The following C1orf159 variants were observed in gnomAD, a reference collection of about 807,000 sequenced individuals.
C1orf159 encodes the protein uncharacterized protein C1orf159.
In C1orf159, 19 loss-of-function variants were observed where a neutral mutation model predicts 25.6. The ratio of observed to expected loss-of-function variants is 0.74; its 90% confidence interval spans 0.52 to 1.09. The LOEUF (loss-of-function observed/expected upper bound fraction) is 1.09, where lower values mean the gene tolerates loss of function less well. Ranked by LOEUF, C1orf159 falls within the 50% of genes least tolerant of loss-of-function variation. The probability of loss-of-function intolerance (pLI) is 0.00; values close to 1 mark genes in which losing one functional copy is unlikely to be tolerated. For synonymous variants in C1orf159, 139 were observed against 124.7 expected (o/e 1.12, Z -0.77); for missense variants, 274 against 290.6 (o/e 0.94, Z 0.42).
chr1:1,082,235 T>A lies in C1orf159; in HGVS notation c.*658A>T, dbSNP rs1448976642. 6 of 153,536 alleles carry A rather than the reference T, an allele frequency of 3.9e-5. No individual in the cohort carries two copies. Among genetic ancestry groups the A allele is most frequent in the Non-Finnish European group, 8.7e-5 (6 of 68,814 alleles). 9.5% of individuals were successfully genotyped at this position (153,536 alleles called of 1,614,324 possible). A position where few individuals can be genotyped will look rare whatever the true frequency, so the allele number is the denominator to read the frequency against. ...GCGGGGCCACAGAGCTCTGGAGGACTTTTCTGCACAATGAATTTCTGCTTA... is the reference window on the plus strand; with the variant it reads ...GCGGGGCCACAGAGCTCTGGAGGACATTTCTGCACAATGAATTTCTGCTTA... On this transcript the variant is annotated 3_prime_UTR_variant, in exon 10 of 10. Transcript: ENST00000421241.
chr1:1,105,747 GCCTGTAGT>G (rs1275625481), intron 1 of C1orf159, among the ~76,000 whole-genome samples: 1 of 130,814 alleles, frequency 7.6e-6, no homozygotes, highest in South Asian at 2.4e-4. Context: ...CTGGGCGGGC[GCCTGTAGT>G]CCCAGCTACT....
intron 1 of C1orf159, among the ~76,000 whole-genome samples, chr1:1,104,439 C>G (rs983267603): frequency 6.6e-6 from 1 of 152,238 alleles, no homozygotes; most frequent in African/African-American, 2.4e-5. Flanking sequence ...CTCTCCAGAG[C>G]CCTCAGGGAG....
intron 9 of C1orf159, chr1:1,083,491 G>C: frequency 4.5e-6 from 1 of 221,348 alleles, no homozygotes; most frequent in Non-Finnish European, 9.0e-6. Flanking sequence ...AGACGCCGTG[G>C]GACCAGGGGA....
chr1:1,087,974 A>AGTACTCCACACTGC lies in C1orf159; in HGVS notation c.149-391_149-378dup, dbSNP rs1645861510. Among the ~76,000 whole-genome samples, 3 of 151,576 alleles carry AGTACTCCACACTGC rather than the reference A, an allele frequency of 2.0e-5. No homozygotes were observed. The highest frequency in any genetic ancestry group is 6.6e-5 in the Admixed American group (1 of 15,258). ...CCCGGCCCTGAGCACCCCGACCCTG[A>AGTACTCCACACTGC]GTACTCCACACTGCGTACTTCAGAG... On this transcript the variant is annotated intron_variant, in intron 4 of 9. Coordinates refer to ENST00000421241, the MANE Select transcript of C1orf159 (RefSeq NM_017891.5). This position sits in a 1 kb window ranked among gnomAD's most constrained non-coding sequence, Gnocchi z 8.3.
At chr1:1,085,330 ACCACGGACCCTGCTCAGAAC>A (rs1209915449) in intron 7 of C1orf159, 1 of 386,978 alleles carries the variant, frequency 2.6e-6, no homozygotes, top group East Asian at 7.7e-5. Context: ...GAGGGCAGGC[ACCACGGACCCTGCTCAGAAC>A]CCGCCCCCGC....
intron 1 of C1orf159, among the ~76,000 whole-genome samples, chr1:1,111,765 A>G (rs1646259835): frequency 6.6e-6 from 1 of 152,100 alleles, no homozygotes; most frequent in African/African-American, 2.4e-5. Context: ...CTCGGTAAAC[A>G]CAGCCCCGAG....
In C1orf159 at chr1:1,102,002, T is replaced by TAGAGGTTGCAGTGAGCC. The variant is rs1165983994; in HGVS notation, c.-135-9916_-135-9900dup. 3.0e-5 allele frequency among the ~76,000 whole-genome samples: 4 copies of TAGAGGTTGCAGTGAGCC among 133,036 alleles called. No individual in the cohort carries two copies. In the East Asian group the frequency reaches 8.6e-4, roughly 28 times the overall value. The allele number at this position is 133,036 out of a possible 152,430, so 87.3% of individuals were successfully genotyped here. On this transcript the variant is annotated intron_variant, in intron 1 of 9. Coordinates refer to ENST00000421241, the MANE Select transcript of C1orf159 (RefSeq NM_017891.5). Reference sequence around the variant, plus strand: ...CAGGAGAATCGCTTGAACTGGGAGGTAGAGGTTGCAGTGAGCCGAGATCGC... The same window carrying TAGAGGTTGCAGTGAGCC: ...CAGGAGAATCGCTTGAACTGGGAGGTAGAGGTTGCAGTGAGCCAGAGGTTGCAGTGAGCCGAGATCGC...
chr1:1,083,033 G>A, intron 9 of C1orf159, 46 bp from the exon 10 acceptor site: 1 of 1,490,118 alleles, frequency 6.7e-7, no homozygotes, highest in South Asian at 1.2e-5. Flanking sequence ...GACCTGGACA[G>A]CAGGGACAGT....
intron 4 of C1orf159, among the ~76,000 whole-genome samples, chr1:1,088,397 T>C (rs1251755905): frequency 2.5e-5 from 3 of 119,406 alleles, no homozygotes; most frequent in African/African-American, 6.5e-5. Flanking sequence ...GCACCCCGTG[T>C]TCCCTCATGC....
At position 1,085,548 on chromosome 1, in the gene C1orf159, C is replaced by T. The variant is rs553186746; in HGVS notation, c.445+330G>A. Among the ~76,000 whole-genome samples, 289 of 152,330 alleles carry T rather than the reference C, an allele frequency of 1.9e-3. 1 individual carries two copies. Among genetic ancestry groups the T allele is most frequent in the African/African-American group, 6.6e-3 (275 of 41,584 alleles). Reference sequence around the variant, plus strand: ...GAGGAGCCCAGGCAAGTCCAACTGCCGAGAGCCACCCAGCCCCGCTCCACT... The same window carrying T: ...GAGGAGCCCAGGCAAGTCCAACTGCTGAGAGCCACCCAGCCCCGCTCCACT... On this transcript the variant is annotated intron_variant, in intron 7 of 9. Coordinates refer to ENST00000421241, the MANE Select transcript of C1orf159 (RefSeq NM_017891.5).
Position 1,088,466 on chromosome 1 carries a change from C to T in C1orf159, c.149-869G>A, listed in dbSNP as rs541522737. ...ACAGCCTCCTGCCCCAAGCTGATCCCGACCCTTGGTCCATCTGTCACCTCC... is the reference window on the plus strand; with the variant it reads ...ACAGCCTCCTGCCCCAAGCTGATCCTGACCCTTGGTCCATCTGTCACCTCC... On this transcript the variant is annotated intron_variant, in intron 4 of 9. Transcript: ENST00000421241. Among the ~76,000 whole-genome samples the T allele has an allele frequency of 2.3e-3, 337 of 148,806 alleles. 4 individuals carry two copies. Among genetic ancestry groups the T allele is most frequent in the African/African-American group, 8.2e-3 (327 of 40,084 alleles).
Position 1,087,541 on chromosome 1 carries a change from C to A in C1orf159, c.205G>T (p.Gly69Ter). 4 of 1,549,630 alleles carry A rather than the reference C, an allele frequency of 2.6e-6. No homozygotes were observed. The highest frequency in any genetic ancestry group is 3.5e-6 in the Non-Finnish European group (4 of 1,146,682). ...GSASCVRCGN[G>*]TLPAYNGSEC... is the part of the protein sequence containing the mutation. The stretch of plus-strand genomic sequence containing the variant: ...GAGCCGTTGTAGGCTGGGAGGGTTC[C>A]GTTCCCACAGCGGACGCAGCTGGCG... Residue 69 changes from glycine (G) to a stop codon, truncating the protein, a stop_gained, in exon 5 of 10, where the codon GGA becomes TGA. Transcript: ENST00000421241. LOFTEE classifies it high-confidence loss of function. This position sits in a 1 kb window ranked among gnomAD's most constrained non-coding sequence, Gnocchi z 8.3.
At chr1:1,098,003 G>A (rs768951378) in intron 1 of C1orf159, among the ~76,000 whole-genome samples, 5 of 151,506 alleles carry the variant, frequency 3.3e-5, no homozygotes, top group Non-Finnish European at 7.4e-5. Context: ...CAATTTTGAT[G>A]TTATATTTTC....
Position 1,110,115 on chromosome 1 carries a change from T to C in C1orf159, c.-136+5945A>G, listed in dbSNP as rs368053030. ...CCCGGCCTGGCACGGCCTTAGGTCC[T>C]GATTATAACTCGGCGTCTTATTGCC... On this transcript the variant is annotated intron_variant, in intron 1 of 9. Coordinates refer to ENST00000421241, the MANE Select transcript of C1orf159 (RefSeq NM_017891.5). This position sits in a 1 kb window ranked among gnomAD's most constrained non-coding sequence, Gnocchi z 4.8. 5.4e-4 allele frequency among the ~76,000 whole-genome samples: 83 copies of C among 152,380 alleles called. 1 individual carries two copies. In the South Asian group the frequency reaches 0.017, roughly 30 times the overall value.
chr1:1,109,389 G>T (rs1228133607), intron 1 of C1orf159, among the ~76,000 whole-genome samples: 2 of 152,194 alleles, frequency 1.3e-5, no homozygotes, highest in Non-Finnish European at 2.9e-5. Context: ...GAGGAATGGG[G>T]AGTTAGTGTT....
At chr1:1,108,893 C>T (rs1646218029) in intron 1 of C1orf159, among the ~76,000 whole-genome samples, 1 of 113,096 alleles carries the variant, frequency 8.8e-6, no homozygotes, top group African/African-American at 4.9e-5. Context: ...CCGTCCACCA[C>T]AGCCACCATG....
At chr1:1,093,631 T>G (rs1645971201) in intron 1 of C1orf159, among the ~76,000 whole-genome samples, 1 of 152,248 alleles carries the variant, frequency 6.6e-6, no homozygotes, top group African/African-American at 2.4e-5. Context: ...TATCCGCACT[T>G]TCTTCCTTTC....
Position 1,089,927 on chromosome 1 carries a change from C to A in C1orf159, c.148+426G>T, listed in dbSNP as rs1645900436. 6.6e-6 allele frequency among the ~76,000 whole-genome samples: 1 copy of A among 152,220 alleles called. No homozygotes were observed. The highest frequency in any genetic ancestry group is 1.5e-5 in the Non-Finnish European group (1 of 68,040). On this transcript the variant is annotated intron_variant, in intron 4 of 9. Transcript: ENST00000421241. The surrounding 1 kb of genome is among the most constrained non-coding windows in gnomAD (Gnocchi z 7.5). ...ACACAGGCCGGCATCCTCGTGGCGT[C>A]CTGTTGATTGGCATTCCACTCCACG...
intron 1 of C1orf159, among the ~76,000 whole-genome samples, chr1:1,105,502 T>C (rs1646158531): frequency 6.7e-6 from 1 of 150,110 alleles, no homozygotes; most frequent in African/African-American, 2.5e-5. Flanking sequence ...TAAGACCCCA[T>C]CTCAAAAAAA....
Sources: allele counts gnomAD v4.1 joint callset (sites outside exome capture counted in the v4.1 genomes callset), GRCh38; gene constraint gnomAD v4.1.1; non-coding constraint Gnocchi (gnomAD v3.1); transcripts MANE v1.5; gene names NCBI Gene and HGNC (gene_info 2026-07-23, HGNC 2026-07-21).